The following AFG1L variants were observed in gnomAD, a reference collection of about 807,000 sequenced individuals.
AFG1L encodes AFG1-like ATPase.
In AFG1L, 53 loss-of-function variants were observed where a neutral mutation model predicts 62.2. The observed-to-expected ratio is 0.85, with a 90% CI of 0.68 to 1.07. The LOEUF is 1.07. Ranked by LOEUF, AFG1L falls within the 50% of genes least tolerant of loss-of-function variation. The pLI is 0.00. For synonymous variants in AFG1L, 228 were observed against 210.3 expected (o/e 1.08, Z -0.73); for missense variants, 555 against 590.5 (o/e 0.94, Z 0.62).
chr6:108,309,911 T>TAAA (rs1216205002), intron 1 of AFG1L, among the ~76,000 whole-genome samples: 1 of 152,228 alleles, frequency 6.6e-6, no homozygotes, highest in Non-Finnish European at 1.5e-5. Context: ...GACAACACTT[T>TAAA]AGCCTGTTAC....
At chr6:108,317,658 T>C (rs1777656511) in intron 1 of AFG1L, among the ~76,000 whole-genome samples, 1 of 152,224 alleles carries the variant, frequency 6.6e-6, no homozygotes, top group Non-Finnish European at 1.5e-5. Context: ...AATTTTATTC[T>C]TGTAGGCTTT....
At chr6:108,348,397 CTTAAAGA>C (rs1458897972) in intron 3 of AFG1L, among the ~76,000 whole-genome samples, 1 of 152,156 alleles carries the variant, frequency 6.6e-6, no homozygotes, top group Non-Finnish European at 1.5e-5. Flanking sequence ...GTTTTAATGC[CTTAAAGA>C]TTAAACTGTT....
At chr6:108,330,244 A>G (rs1778222008) in intron 2 of AFG1L, among the ~76,000 whole-genome samples, 1 of 141,490 alleles carries the variant, frequency 7.1e-6, no homozygotes, top group Non-Finnish European at 1.5e-5. Context: ...CAGTGGTGTG[A>G]TCTCAGCTCA....
At chr6:108,471,516 A>G (rs1772896698) in intron 8 of AFG1L, among the ~76,000 whole-genome samples, 1 of 133,784 alleles carries the variant, frequency 7.5e-6, no homozygotes, top group African/African-American at 2.8e-5. Flanking sequence ...GCTGGAGTGC[A>G]GTGGCATGAT....
intron 4 of AFG1L, 41 bp from the exon 5 acceptor site, chr6:108,356,649 T>C (rs1375529471): frequency 7.0e-7 from 1 of 1,422,146 alleles, no homozygotes; most frequent in Non-Finnish European, 9.6e-7. Context: ...GTCTAAAAAG[T>C]ACTAATATAT....
intron 10 of AFG1L, among the ~76,000 whole-genome samples, chr6:108,502,793 G>A (rs1310706926): frequency 6.6e-6 from 1 of 152,208 alleles, no homozygotes; most frequent in East Asian, 1.9e-4. Context: ...GATGCTATTT[G>A]ATAGCATTTA....
chr6:108,319,113 G>A (rs1416360747), intron 1 of AFG1L, among the ~76,000 whole-genome samples: 1 of 152,174 alleles, frequency 6.6e-6, no homozygotes, highest in Non-Finnish European at 1.5e-5. Flanking sequence ...AAATCAAGAT[G>A]TTAGGCTAGT....
chr6:108,353,775 C>T (rs962396196), intron 3 of AFG1L, among the ~76,000 whole-genome samples: 2 of 152,094 alleles, frequency 1.3e-5, no homozygotes, highest in African/African-American at 2.4e-5. Flanking sequence ...TATTTAAAAT[C>T]TACTGCTAAT....
intron 6 of AFG1L, among the ~76,000 whole-genome samples, chr6:108,378,424 A>T (rs933483918): frequency 1.3e-5 from 2 of 152,014 alleles, no homozygotes; most frequent in Non-Finnish European, 2.9e-5. Flanking sequence ...GGTTCAAGTG[A>T]TTCTCTGCCT....
chr6:108,490,317 G>A (rs1773727768), intron 10 of AFG1L, among the ~76,000 whole-genome samples: 1 of 152,138 alleles, frequency 6.6e-6, no homozygotes, highest in South Asian at 2.1e-4. Flanking sequence ...CCGAAATCAC[G>A]CCAGTACACT....
intron 6 of AFG1L, among the ~76,000 whole-genome samples, chr6:108,389,768 C>A (rs1017739412): frequency 2.5e-4 from 38 of 152,258 alleles, no homozygotes; most frequent in African/African-American, 8.7e-4. Flanking sequence ...GATGGGCTTC[C>A]CTTTGTGGGT....
intron 2 of AFG1L, among the ~76,000 whole-genome samples, chr6:108,334,607 A>G (rs902311096): frequency 6.6e-6 from 1 of 150,930 alleles, no homozygotes; most frequent in African/African-American, 2.4e-5. Flanking sequence ...CCAGAAAGGC[A>G]TATGAAATAT....
chr6:108,467,219 C>T (rs1474663716), intron 8 of AFG1L, among the ~76,000 whole-genome samples: 4 of 150,126 alleles, frequency 2.7e-5, no homozygotes, highest in African/African-American at 7.3e-5. Context: ...AAAATAATAA[C>T]TTTTACATAT....
intron 6 of AFG1L, among the ~76,000 whole-genome samples, chr6:108,394,057 C>CTCCTT (rs1370195368): frequency 6.7e-6 from 1 of 149,536 alleles, no homozygotes; most frequent in Non-Finnish European, 1.5e-5. Flanking sequence ...TCCCTCCCTC[C>CTCCTT]TCCTTTCCTT....
At chr6:108,343,069 T>C (rs1419381203) in intron 2 of AFG1L, among the ~76,000 whole-genome samples, 1 of 151,314 alleles carries the variant, frequency 6.6e-6, no homozygotes, top group African/African-American at 2.4e-5. Context: ...TTTTTCTTTT[T>C]CTTTTTTTTT....
At chr6:108,413,399 G>C (rs138696009) in intron 7 of AFG1L, among the ~76,000 whole-genome samples, 1 of 152,152 alleles carries the variant, frequency 6.6e-6, no homozygotes, top group Non-Finnish European at 1.5e-5. Context: ...ACTGAACTCA[G>C]CTCTGCACCA....
chr6:108,396,731 T>C (rs1781326796), intron 6 of AFG1L, among the ~76,000 whole-genome samples: 1 of 152,140 alleles, frequency 6.6e-6, no homozygotes, highest in Non-Finnish European at 1.5e-5. Context: ...CCTCAAATGA[T>C]CCACCTGCCT....
chr6:108,515,266 A>C (rs1042030768), intron 11 of AFG1L, among the ~76,000 whole-genome samples: 18 of 152,200 alleles, frequency 1.2e-4, no homozygotes, highest in African/African-American at 4.1e-4. Flanking sequence ...TCCTCAGCAA[A>C]TGTAAAAGAA....
chr6:108,367,005 A>G (rs75886224), intron 6 of AFG1L, among the ~76,000 whole-genome samples: 4,712 of 152,196 alleles, frequency 0.031, 116 homozygotes, highest in Non-Finnish European at 0.049. Flanking sequence ...CAGAAGTTAC[A>G]TTGCCAGTGA....
Sources: allele counts gnomAD v4.1 joint callset (sites outside exome capture counted in the v4.1 genomes callset), GRCh38; gene constraint gnomAD v4.1.1; transcripts MANE v1.5; gene names NCBI Gene and HGNC (gene_info 2026-07-23, HGNC 2026-07-21).